Variants in MYH6 observed in about 807,000 individuals in gnomAD.
The protein encoded by MYH6 is myosin-6.
MYH6 carries 126 observed loss-of-function variants against 223.2 expected under a neutral mutation model. That is an observed-to-expected ratio of 0.56 (90% CI 0.49 to 0.65). MYH6 has a LOEUF of 0.65. Ranked by LOEUF, MYH6 falls within the 30% of genes least tolerant of loss-of-function variation. The pLI is 0.00. For missense variants in MYH6, 2,040 were observed against 2,536.4 expected, an observed-to-expected ratio of 0.80 and a Z score of 4.20; for synonymous variants, 978 against 1,010.2, an observed-to-expected ratio of 0.97 and a Z score of 0.61.
Position 23,389,375 on chromosome 14 carries a change from C to A in MYH6, c.3978+18G>T, listed in dbSNP as rs2138591102. The stretch of plus-strand genomic sequence containing the variant: ...AGGGCTGCCATCAAGCCTGCCCACC[C>A]TCCCCACTGGGCCTCACCTTGCCCT... On this transcript the variant is annotated intron_variant, in intron 28 of 38. Transcript: ENST00000405093. 6.2e-7 allele frequency: 1 copy of A among 1,613,030 alleles called. No homozygotes were observed. The highest frequency in any genetic ancestry group is 1.1e-5 in the South Asian group (1 of 91,062).
At chr14:23,404,411 T>G (rs760291421) in intron 7 of MYH6, 23 bp from the exon 8 acceptor site, 1 of 1,612,912 alleles carries the variant, frequency 6.2e-7, no homozygotes, top group South Asian at 1.1e-5. Context: ...CAGAACTGCA[T>G]GGGTTCATCC....
rs758526212 is a variant in MYH6 at position 23,385,995 on chromosome 14, C to T, written c.5096G>A (p.Arg1699Gln). 52 of 1,614,106 alleles carry T rather than the reference C, an allele frequency of 3.2e-5. No homozygotes were observed. The highest frequency in any genetic ancestry group is 3.3e-4 in the Middle Eastern group (2 of 6,084). ...ELRAVVEQTE[R>Q]SRKLAEQELI... ...CTCCTGCTCCGCCAGCTTCCGGGAC[C>T]GCTCTGTCTGCTCCACCACGGCACG... The change falls in exon 34 of 39, where the codon CGG (arginine) becomes CAG (glutamine). Residue 1699 changes from arginine to glutamine, a missense_variant. Physicochemically the swap from Arg to Gln is conservative, Grantham distance 43. Transcript: ENST00000405093.
chr14:23,405,922 G>T lies in MYH6; in HGVS notation c.202-152C>A. 1 of 901,202 alleles carries T rather than the reference G, an allele frequency of 1.1e-6. No individual in the cohort carries two copies. The highest frequency in any genetic ancestry group is 2.6e-5 in the East Asian group (1 of 38,602). 55.8% of individuals were successfully genotyped at this position (901,202 alleles called of 1,614,324 possible). ...CCCGGCCCCTACCCCGATGTCCCCT[G>T]GGACACTTTCCCCAGGTAATTTCCC... is the stretch of plus-strand genomic sequence containing the variant. On this transcript the variant is annotated intron_variant, in intron 3 of 38. Coordinates refer to ENST00000405093, the MANE Select transcript of MYH6 (RefSeq NM_002471.4). This position sits in a 1 kb window ranked among gnomAD's most constrained non-coding sequence, Gnocchi z 4.7.
At chr14:23,391,976 A>G (rs1348075632) in intron 25 of MYH6, among the ~76,000 whole-genome samples, 1 of 152,186 alleles carries the variant, frequency 6.6e-6, no homozygotes, top group African/African-American at 2.4e-5. Context: ...TAGTTGACAA[A>G]ATGGTTTCAA....
chr14:23,407,490 T>C lies in MYH6; in HGVS notation c.-14+86A>G, dbSNP rs1595065998. On this transcript the variant is annotated intron_variant, in intron 2 of 38. Transcript: ENST00000405093. The surrounding 1 kb of genome is among the most constrained non-coding windows in gnomAD (Gnocchi z 5.6). Reference sequence around the variant, plus strand: ...ATGCTAAGGGTTGGCGCTGAGTGCTTGGGACAGCAGACCCCTGGTCCAGCA... The same window carrying C: ...ATGCTAAGGGTTGGCGCTGAGTGCTCGGGACAGCAGACCCCTGGTCCAGCA... 10 of 1,319,346 alleles carry C rather than the reference T, an allele frequency of 7.6e-6. No individual in the cohort carries two copies. The East Asian group carries it at 3.0e-4, about 40-fold the overall frequency. 81.7% of individuals were successfully genotyped at this position (1,319,346 alleles called of 1,614,324 possible). A position where few individuals can be genotyped will look rare whatever the true frequency, so the allele number is the denominator to read the frequency against.
Position 23,387,857 on chromosome 14 carries a change from C to G in MYH6, c.4426G>C (p.Ala1476Pro), listed in dbSNP as rs1441481672. The change falls in exon 31 of 39, where the codon GCT becomes CCT. Residue 1476 changes from alanine to proline, a missense_variant. Physicochemically the swap from Ala to Pro is conservative, Grantham distance 27. Coordinates refer to ENST00000405093, the MANE Select transcript of MYH6 (RefSeq NM_002471.4). ...AAGAGCTCTGTGCTGAGGGAGCGAG[C>G]CTCCTTCTGTGAGGACTCCAGCTCA... ...QSELESSQKE[A>P]RSLSTELFKL... 6.2e-7 allele frequency: 1 copy of G among 1,614,084 alleles called. No homozygotes were observed. The highest frequency in any genetic ancestry group is 2.2e-5 in the East Asian group (1 of 44,854).
At position 23,384,434 on chromosome 14, in the gene MYH6, C is replaced by G; in HGVS notation, c.5565+8G>C. ...ACATCTACTCCTGGTGTCTGGCGTC[C>G]GCCGCACCTGGTAGGTGAGCTCCTT... On this transcript the variant is annotated splice_region_variant and intron_variant, in intron 36 of 38. Transcript: ENST00000405093. 1 of 1,609,088 alleles carries G rather than the reference C, an allele frequency of 6.2e-7. No individual in the cohort carries two copies. The highest frequency in any genetic ancestry group is 8.5e-7 in the Non-Finnish European group (1 of 1,179,996).
Position 23,405,215 on chromosome 14 carries a change from A to T in MYH6, c.502+8T>A, listed in dbSNP as rs776152061. ...GGAGGAGCAGAGACCAGGGGCCACCAGGCTCACCTGTCAGCATGTACTGAT... is the reference window on the plus strand; with the variant it reads ...GGAGGAGCAGAGACCAGGGGCCACCTGGCTCACCTGTCAGCATGTACTGAT... On this transcript the variant is annotated splice_region_variant and intron_variant, in intron 5 of 38. Coordinates refer to ENST00000405093, the MANE Select transcript of MYH6 (RefSeq NM_002471.4). The surrounding 1 kb of genome is among the most constrained non-coding windows in gnomAD (Gnocchi z 4.7). 3 of 1,614,042 alleles carry T rather than the reference A, an allele frequency of 1.9e-6. No individual in the cohort carries two copies. Among genetic ancestry groups the T allele is most frequent in the Non-Finnish European group, 2.5e-6 (3 of 1,180,044 alleles).
Position 23,400,316 on chromosome 14 carries a change from A to C in MYH6, c.1521T>G (p.Ile507Met), listed in dbSNP as rs142410102. The C allele has an allele frequency of 2.2e-5, 35 of 1,614,054 alleles. No individual in the cohort carries two copies. The African/African-American group carries it at 3.7e-4, about 17-fold the overall frequency. ...LEQEEYKKEG[I>M]EWTFIDFGMD... The stretch of plus-strand genomic sequence containing the variant: ...TGCCAAAGTCAATGAATGTCCACTC[A>C]ATGCCCTCCTTCTTGTACTCCTCCT... The change falls in exon 14 of 39, where the codon ATT (isoleucine) becomes ATG (methionine). Residue 507 changes from isoleucine to methionine, a missense_variant. Ile to Met is a conservative substitution (Grantham distance 10). Coordinates refer to ENST00000405093, the MANE Select transcript of MYH6 (RefSeq NM_002471.4).
intron 29 of MYH6, 72 bp downstream of exon 29, chr14:23,388,787 G>T (rs28730766): frequency 5.3e-4 from 846 of 1,606,776 alleles, no homozygotes; most frequent in Middle Eastern, 5.0e-3. Context: ...TGACCACTTT[G>T]CCTGTCCCCA....
chr14:23,390,202 T>C lies in MYH6; in HGVS notation c.3587A>G (p.Lys1196Arg), dbSNP rs941561970. The C allele has an allele frequency of 6.2e-7, 1 of 1,604,530 alleles. No homozygotes were observed. The highest frequency in any genetic ancestry group is 1.1e-5 in the South Asian group (1 of 90,752). Residue 1196 changes from lysine (K) to arginine (R), a missense_variant, in exon 26 of 39, where the codon AAG (lysine) becomes AGG (arginine). By Grantham distance (26) the Lys-to-Arg change is conservative (BLOSUM62 2). This residue lies in a region of MYH6 where 1,203 missense variants were observed against 1,400.2 expected (regional missense o/e 0.86). Coordinates refer to ENST00000405093, the MANE Select transcript of MYH6 (RefSeq NM_002471.4). ...CTCGGCCACGCTGTCGGCGTGCTTC[T>C]TGCGCAGGGCCGCGGCAGTGGCCTC... ...QHEATAAALR[K>R]KHADSVAELG...
Position 23,393,753 on chromosome 14 carries a change from G to A in MYH6, c.2841C>T (p.Asp947=), listed in dbSNP as rs140305424. 101 of 1,614,028 alleles carry A rather than the reference G, an allele frequency of 6.3e-5. No homozygotes were observed. Among genetic ancestry groups the A allele is most frequent in the African/African-American group, 2.5e-4 (19 of 74,890 alleles). The part of the protein sequence containing the change: ...ELTAKKRKLE[D]ECSELKKDID... ...TGTCCTTCTTGAGCTCTGAGCACTC[G>A]TCTTCCAGCTTGCGCTTCTTGGCAG... The change falls in exon 22 of 39, where the codon GAC becomes GAT. Residue 947 remains aspartate (D), a synonymous_variant. Coordinates refer to ENST00000405093, the MANE Select transcript of MYH6 (RefSeq NM_002471.4).
intron 38 of MYH6, 81 bp downstream of exon 38, chr14:23,382,347 C>G: frequency 1.3e-6 from 2 of 1,585,990 alleles, no homozygotes; most frequent in Admixed American, 3.3e-5. Context: ...ATAGGGCAAG[C>G]AGTGCCCACT....
intron 15 of MYH6, 120 bp from the exon 16 acceptor site, chr14:23,397,733 A>G (rs1424702711): frequency 1.9e-6 from 2 of 1,043,484 alleles, no homozygotes; most frequent in African/African-American, 3.1e-5. Flanking sequence ...ATTCTCCAAG[A>G]TTCAGTTTAC....
In MYH6 at chr14:23,390,097, T is replaced by G. The variant is rs1336002235; in HGVS notation, c.3692A>C (p.Asp1231Ala). The G allele has an allele frequency of 6.2e-7, 1 of 1,612,860 alleles. No individual in the cohort carries two copies. The highest frequency in any genetic ancestry group is 8.5e-7 in the Non-Finnish European group (1 of 1,179,746). ...KEKSEFKLEL[D>A]DVTSNMEQII... Reference sequence around the variant, plus strand: ...CTGCTCCATGTTGGAGGTGACGTCATCCAGCTCCAGCTTGAACTCGCTCTT... The same window carrying G: ...CTGCTCCATGTTGGAGGTGACGTCAGCCAGCTCCAGCTTGAACTCGCTCTT... Residue 1231 changes from aspartate to alanine, a missense_variant, in exon 26 of 39, where the codon GAT becomes GCT. This residue lies in a region of MYH6 where 1,203 missense variants were observed against 1,400.2 expected (regional missense o/e 0.86). Coordinates refer to ENST00000405093, the MANE Select transcript of MYH6 (RefSeq NM_002471.4).
rs765559939 is a variant in MYH6 at position 23,405,306 on chromosome 14, G to T, written c.419C>A (p.Ala140Asp). The change falls in exon 5 of 39, where the codon GCC (alanine) becomes GAC (aspartate). Residue 140 changes from alanine to aspartate, a missense_variant. Coordinates refer to ENST00000405093, the MANE Select transcript of MYH6 (RefSeq NM_002471.4). The surrounding 1 kb of genome is among the most constrained non-coding windows in gnomAD (Gnocchi z 4.7). ...ACTCCTCTTCTTGCCCCGGTAGGCG[G>T]CCACCACCTCGGCATTGTACACCGG... The part of the protein sequence containing the change: ...WLPVYNAEVV[A>D]AYRGKKRSEA... The T allele has an allele frequency of 2.5e-6, 4 of 1,614,170 alleles. No individual in the cohort carries two copies. Among genetic ancestry groups the T allele is most frequent in the Non-Finnish European group, 3.4e-6 (4 of 1,180,002 alleles).
Position 23,388,332 on chromosome 14 carries a change from C to G in MYH6, c.4182G>C (p.Lys1394Asn), listed in dbSNP as rs753160962. 1.9e-6 allele frequency: 3 copies of G among 1,612,874 alleles called. No homozygotes were observed. In the African/African-American group the frequency reaches 4.0e-5, roughly 22 times the overall value. ...RTEELEEAKK[K>N]LAQRLQDAEE... ...CGGCATCCTGCAGCCGCTGGGCCAG[C>G]TTCTTTCTGCCCAGGTGAGGGTGGA... is the stretch of plus-strand genomic sequence containing the variant. Residue 1394 changes from lysine to asparagine, a missense_variant, in exon 30 of 39, where the codon AAG becomes AAC. Transcript: ENST00000405093.
In MYH6 at chr14:23,390,495, G is replaced by A. The variant is rs775638200; in HGVS notation, c.3343-49C>T. 5 of 1,599,494 alleles carry A rather than the reference G, an allele frequency of 3.1e-6. No homozygotes were observed. The South Asian group carries it at 5.5e-5, about 18-fold the overall frequency. On this transcript the variant is annotated intron_variant, in intron 25 of 38. Coordinates refer to ENST00000405093, the MANE Select transcript of MYH6 (RefSeq NM_002471.4). ...GACCCACCGCCTGGACCCCTCCACT[G>A]GAATCCCCCCGGCTCTGAAAAGCTA...
chr14:23,393,354 C>A lies in MYH6; in HGVS notation c.3093G>T (p.Gln1031His). 6.2e-7 allele frequency: 1 copy of A among 1,614,214 alleles called. No homozygotes were observed. ...SLSKSKVKLE[Q>H]QVDDLEGSLE... ...TCTTACTACTCACATCATCCACCTGCTGCTCCAGCTTGACCTTAGACTTGG... is the reference window on the plus strand; with the variant it reads ...TCTTACTACTCACATCATCCACCTGATGCTCCAGCTTGACCTTAGACTTGG... Residue 1031 changes from glutamine (Q) to histidine (H), a missense_variant, in exon 23 of 39, where the codon CAG becomes CAT. Gln to His is a conservative substitution (Grantham distance 24). This residue lies in a region of MYH6 where 1,203 missense variants were observed against 1,400.2 expected (regional missense o/e 0.86). Coordinates refer to ENST00000405093, the MANE Select transcript of MYH6 (RefSeq NM_002471.4).
Sources: gnomAD v4.1 joint callset for allele counts (sites outside exome capture counted in the v4.1 genomes callset) on GRCh38, gnomAD v4.1.1 for gene constraint, gnomAD v4.1.1 regional missense constraint, Gnocchi (gnomAD v3.1) non-coding constraint, MANE v1.5 for transcripts, NCBI Gene and HGNC (gene_info 2026-07-23, HGNC 2026-07-21) for gene names.